FRS2: variants seen among roughly 807,000 people sequenced by gnomAD.
FRS2 encodes FGFR signalling adaptor.
A neutral mutation model predicts 43.9 loss-of-function variants in FRS2; 8 were observed. That is an observed-to-expected ratio of 0.18 (90% CI 0.11 to 0.33). FRS2 has a LOEUF of 0.33. Ranked by LOEUF, FRS2 falls within the 10% of genes least tolerant of loss-of-function variation. The pLI, the probability that FRS2 is intolerant of heterozygous loss-of-function variation, is 1.00. For missense variants in FRS2, 534 were observed against 627.6 expected, an observed-to-expected ratio of 0.85 and a Z score of 1.59; for synonymous variants, 219 against 220.3, an observed-to-expected ratio of 0.99 and a Z score of 0.05.
Position 69,472,475 on chromosome 12 carries a change from G to A in FRS2, c.-261+1945G>A, listed in dbSNP as rs563307315. Among the ~76,000 whole-genome samples, 11 of 152,200 alleles carry A rather than the reference G, an allele frequency of 7.2e-5. No individual in the cohort carries two copies. In the South Asian group the frequency reaches 1.2e-3, roughly 17 times the overall value. ...CTTAATTATTTAGAGCATAAGATTGGAATATTGGAATTGAGAGAATCTGGA... is the reference window on the plus strand; with the variant it reads ...CTTAATTATTTAGAGCATAAGATTGAAATATTGGAATTGAGAGAATCTGGA... On this transcript the variant is annotated intron_variant, in intron 1 of 8. Coordinates refer to ENST00000549921, the MANE Select transcript of FRS2 (RefSeq NM_001278356.2).
intron 3 of FRS2, among the ~76,000 whole-genome samples, chr12:69,548,003 C>T (rs538131211): frequency 6.6e-6 from 1 of 152,032 alleles, no homozygotes; most frequent in African/African-American, 2.4e-5. Flanking sequence ...CATACCACCA[C>T]ATCTGGCTAA....
chr12:69,536,029 T>C (rs1877240764), intron 3 of FRS2, among the ~76,000 whole-genome samples: 2 of 151,296 alleles, frequency 1.3e-5, no homozygotes, highest in South Asian at 4.2e-4. Context: ...TTTTTTTAAT[T>C]GTTGTTATTG....
Position 69,574,534 on chromosome 12 carries a change from A to G in FRS2, c.1106A>G (p.Asp369Gly). The change falls in exon 9 of 9, where the codon GAT (aspartate) becomes GGT (glycine). Residue 369 changes from aspartate (D) to glycine (G), a missense_variant. By Grantham distance (94) the Asp-to-Gly change is moderately conservative. Around this residue, in one of 3 missense-constraint regions of FRS2, gnomAD observed 446 missense variants for 494.2 expected, o/e 0.90. Transcript: ENST00000549921. ...GCCCGCAAGCTAAGTAGGGATGAAG[A>G]TGACAATTTAGGACCAAAGACCCCA... Reference protein sequence around the residue: ...WEARKLSRDEDDNLGPKTPSL... With the variant: ...WEARKLSRDEGDNLGPKTPSL... 2 of 1,614,194 alleles carry G rather than the reference A, an allele frequency of 1.2e-6. No individual in the cohort carries two copies. Among genetic ancestry groups the G allele is most frequent in the South Asian group, 1.1e-5 (1 of 91,086 alleles).
At chr12:69,506,596 G>A (rs1397742196) in intron 1 of FRS2, among the ~76,000 whole-genome samples, 1 of 151,666 alleles carries the variant, frequency 6.6e-6, no homozygotes, top group Non-Finnish European at 1.5e-5. Context: ...TGCTTTTATA[G>A]CATTTGAAAG....
intron 1 of FRS2, among the ~76,000 whole-genome samples, chr12:69,506,442 G>A (rs181879106): frequency 6.6e-6 from 1 of 152,122 alleles, no homozygotes; most frequent in Non-Finnish European, 1.5e-5. Context: ...ATACAGTTAG[G>A]CAGATAAATT....
intron 4 of FRS2, among the ~76,000 whole-genome samples, chr12:69,564,074 A>G (rs519298): frequency 0.093 from 14,144 of 152,084 alleles, 857 homozygotes; most frequent in Non-Finnish European, 0.14. Flanking sequence ...TTCACACCGT[A>G]GCCCTCTCTA....
intron 1 of FRS2, among the ~76,000 whole-genome samples, chr12:69,495,575 G>A (rs1872804955): frequency 6.6e-6 from 1 of 152,150 alleles, no homozygotes; most frequent in Non-Finnish European, 1.5e-5. Context: ...CTAGAATGGA[G>A]TATTTAAAAA....
At chr12:69,568,561 C>G (rs1880487024) in intron 4 of FRS2, among the ~76,000 whole-genome samples, 1 of 152,042 alleles carries the variant, frequency 6.6e-6, no homozygotes, top group South Asian at 2.1e-4. Context: ...GGCTGTCTCT[C>G]TCTCTCTCTC....
chr12:69,518,091 GA>G (rs2135597120), intron 1 of FRS2, among the ~76,000 whole-genome samples: 1 of 152,284 alleles, frequency 6.6e-6, no homozygotes, highest in East Asian at 1.9e-4. Context: ...TGGATTTCAT[GA>G]GAAACACTAT....
intron 1 of FRS2, among the ~76,000 whole-genome samples, chr12:69,500,501 T>TGC (rs1490641116): frequency 6.6e-6 from 1 of 152,168 alleles, no homozygotes; most frequent in East Asian, 1.9e-4. Flanking sequence ...GTGGACAAGG[T>TGC]GCCTAACAAT....
At chr12:69,491,436 C>T (rs771726500) in intron 1 of FRS2, 21 of 151,078 alleles carry the variant, frequency 1.4e-4, no homozygotes, top group African/African-American at 4.1e-4. Context: ...ATCCATCAAA[C>T]GGAATGTACT....
At chr12:69,484,091 C>CTTTGTTTTTTTT (rs1871598759) in intron 1 of FRS2, among the ~76,000 whole-genome samples, 1 of 142,790 alleles carries the variant, frequency 7.0e-6, no homozygotes, top group African/African-American at 2.5e-5. Flanking sequence ...AAAAGCTTTT[C>CTTTGTTTTTTTT]TTTCTTTTTT....
At chr12:69,557,634 G>GCGCGCGCA (rs760565648) in intron 3 of FRS2, among the ~76,000 whole-genome samples, 3 of 147,476 alleles carry the variant, frequency 2.0e-5, no homozygotes, top group African/African-American at 5.2e-5. Context: ...GCGCGCGCGC[G>GCGCGCGCA]CGCAGGTGCA....
intron 6 of FRS2, 64 bp from the exon 7 acceptor site, chr12:69,571,212 A>G: frequency 2.8e-6 from 3 of 1,058,810 alleles, no homozygotes; most frequent in South Asian, 1.5e-5. Context: ...CTGTTTGTCA[A>G]GTGTTCCTAT....
Position 69,569,107 on chromosome 12 carries a change from C to G in FRS2, c.66+11C>G, listed in dbSNP as rs1481972651. 6.4e-7 allele frequency: 1 copy of G among 1,556,448 alleles called. No individual in the cohort carries two copies. Among genetic ancestry groups the G allele is most frequent in the Non-Finnish European group, 8.9e-7 (1 of 1,129,454 alleles). On this transcript the variant is annotated intron_variant, in intron 5 of 8. Transcript: ENST00000549921. ...CGGAACAAGTTTAAGGTCAGTAAAACTGGTTGAGTTATATATCTTACTGCC... is the reference window on the plus strand; with the variant it reads ...CGGAACAAGTTTAAGGTCAGTAAAAGTGGTTGAGTTATATATCTTACTGCC...
chr12:69,472,253 ATTTTTTT>A (rs3970803), intron 1 of FRS2, among the ~76,000 whole-genome samples: 13,376 of 133,274 alleles, frequency 0.1, 794 homozygotes, highest in Non-Finnish European at 0.15. Context: ...CACCTGGCTA[ATTTTTTT>A]TTTTTTTTTT....
At chr12:69,542,147 T>C (rs2135707576) in intron 3 of FRS2, among the ~76,000 whole-genome samples, 1 of 152,306 alleles carries the variant, frequency 6.6e-6, no homozygotes, top group Non-Finnish European at 1.5e-5. Flanking sequence ...AATATTTTTC[T>C]TTACTGACAG....
intron 3 of FRS2, among the ~76,000 whole-genome samples, chr12:69,537,378 T>TA (rs1198722257): frequency 6.6e-6 from 1 of 152,180 alleles, no homozygotes; most frequent in Admixed American, 6.5e-5. Flanking sequence ...GAATTTCCTT[T>TA]AGTGAAGATC....
At chr12:69,479,432 T>A (rs1319474830) in intron 1 of FRS2, among the ~76,000 whole-genome samples, 1 of 148,074 alleles carries the variant, frequency 6.8e-6, no homozygotes, top group Non-Finnish European at 1.5e-5. Context: ...CCAGTCTTGC[T>A]CTGTTGCCAG....
Sources: gnomAD v4.1 joint callset for allele counts (sites outside exome capture counted in the v4.1 genomes callset) on GRCh38, gnomAD v4.1.1 for gene constraint, gnomAD v4.1.1 regional missense constraint, MANE v1.5 for transcripts, NCBI Gene and HGNC (gene_info 2026-07-23, HGNC 2026-07-21) for gene names.